Variants in SKIL observed in about 807,000 individuals in gnomAD.
The protein encoded by SKIL is ski-like protein.
Under a neutral mutation model 69.6 loss-of-function variants are expected in SKIL, and 20 were observed. That is an observed-to-expected ratio of 0.29 (90% confidence interval 0.20 to 0.42). The LOEUF is 0.42. Ranked by LOEUF, SKIL falls within the 10% of genes least tolerant of loss-of-function variation. The probability of loss-of-function intolerance (pLI) is 1.00; values close to 1 mark genes in which losing one functional copy is unlikely to be tolerated. For synonymous variants in SKIL, 310 were observed against 279.9 expected, an observed-to-expected ratio of 1.11 and a Z score of -1.08; for missense variants, 745 against 783.1, an observed-to-expected ratio of 0.95 and a Z score of 0.58.
intron 1 of SKIL, among the ~76,000 whole-genome samples, chr3:170,358,227 G>A (rs1005411241): frequency 6.6e-5 from 10 of 152,260 alleles, no homozygotes; most frequent in African/African-American, 2.2e-4. Context: ...GCGGGGAGGT[G>A]CAGCATTAGG....
At chr3:170,370,492 A>G (rs1323386304) in intron 2 of SKIL, among the ~76,000 whole-genome samples, 1 of 113,052 alleles carries the variant, frequency 8.8e-6, no homozygotes, top group African/African-American at 3.5e-5. Context: ...CAGTCTTCTT[A>G]TATCTTACAG....
At chr3:170,386,675 G>T (rs972103285) in intron 4 of SKIL, among the ~76,000 whole-genome samples, 2 of 151,798 alleles carry the variant, frequency 1.3e-5, no homozygotes, top group Admixed American at 1.3e-4. Context: ...TCACTGTATT[G>T]CCCAGGCTGG....
intron 2 of SKIL, 39 bp from the exon 3 acceptor site, chr3:170,381,205 T>C: frequency 1.8e-6 from 2 of 1,111,928 alleles, no homozygotes; most frequent in Middle Eastern, 3.9e-4. Flanking sequence ...CTTCACAGTT[T>C]TACTTCAATA....
intron 2 of SKIL, among the ~76,000 whole-genome samples, chr3:170,371,522 AAAAC>A (rs767492863): frequency 6.0e-4 from 91 of 152,282 alleles, no homozygotes; most frequent in Non-Finnish European, 9.9e-4. Flanking sequence ...AAGAAAAAGA[AAAAC>A]AAAAGGAGTA....
chr3:170,387,759 T>TAAAACAAAAC (rs1737710528), intron 4 of SKIL, among the ~76,000 whole-genome samples: 1 of 57,694 alleles, frequency 1.7e-5, no homozygotes, highest in Admixed American at 2.3e-4. Flanking sequence ...CCGTCTCTAC[T>TAAAACAAAAC]AAAAAAAAAA....
At chr3:170,379,739 G>A (rs1326215363) in intron 2 of SKIL, among the ~76,000 whole-genome samples, 1 of 152,092 alleles carries the variant, frequency 6.6e-6, no homozygotes, top group East Asian at 1.9e-4. Context: ...CATCTCCTGG[G>A]TTCAAGTGAT....
intron 3 of SKIL, 111 bp downstream of exon 3, chr3:170,381,452 T>C (rs1224876418): frequency 3.2e-6 from 2 of 631,120 alleles, no homozygotes; most frequent in African/African-American, 1.8e-5. Context: ...TTTTTTTTGG[T>C]GGCAGAGTCT....
Position 170,360,056 on chromosome 3 carries a change from T to C in SKIL, c.-276T>C. The C allele has an allele frequency of 3.2e-6, 1 of 314,568 alleles. No individual in the cohort carries two copies. Among genetic ancestry groups the C allele is most frequent in the Non-Finnish European group, 5.8e-6 (1 of 172,906 alleles). The allele number at this position is 314,568 out of a possible 1,614,324, so 19.5% of individuals were successfully genotyped here. On this transcript the variant is annotated 5_prime_UTR_variant, in exon 2 of 7. Coordinates refer to ENST00000259119, the MANE Select transcript of SKIL (RefSeq NM_005414.5). ...ATTTTAATATGTATATCTGAAGAAT[T>C]CAAGAAAACAAAGGCATCCTCAGAG...
At chr3:170,377,333 T>C (rs1430096083) in intron 2 of SKIL, among the ~76,000 whole-genome samples, 1 of 150,010 alleles carries the variant, frequency 6.7e-6, no homozygotes, top group Non-Finnish European at 1.5e-5. Context: ...TGTTCCCCTG[T>C]TTCGGTTGAT....
intron 2 of SKIL, among the ~76,000 whole-genome samples, chr3:170,361,824 A>G (rs1736255514): frequency 6.7e-6 from 1 of 150,242 alleles, no homozygotes; most frequent in East Asian, 2.0e-4. Context: ...TGACCGCGTG[A>G]TCCGCCCACC....
intron 2 of SKIL, among the ~76,000 whole-genome samples, chr3:170,362,079 A>G (rs1370537850): frequency 1.3e-5 from 2 of 152,192 alleles, no homozygotes; most frequent in Non-Finnish European, 2.9e-5. Context: ...CTATGTTTGG[A>G]TATTCAGGCT....
intron 2 of SKIL, among the ~76,000 whole-genome samples, chr3:170,370,441 C>CAGAG (rs1736750289): frequency 7.6e-4 from 2 of 2,632 alleles, no homozygotes; most frequent in Non-Finnish European, 1.2e-3. Flanking sequence ...GAGAGAGAGC[C>CAGAG]CCCCCCCCCC....
intron 4 of SKIL, among the ~76,000 whole-genome samples, chr3:170,387,768 A>AAAAAAAAAAAAAAAAAAAAC (rs1409266919): frequency 7.5e-6 from 1 of 132,656 alleles, no homozygotes; most frequent in Non-Finnish European, 1.7e-5. Flanking sequence ...CTAAAAAAAA[A>AAAAAAAAAAAAAAAAAAAAC]AAAAAATACA....
intron 2 of SKIL, among the ~76,000 whole-genome samples, chr3:170,377,518 T>C (rs1737091178): frequency 6.6e-6 from 1 of 150,858 alleles, no homozygotes; most frequent in Non-Finnish European, 1.5e-5. Flanking sequence ...CTTATTAGTA[T>C]TTCAAATTCA....
intron 4 of SKIL, among the ~76,000 whole-genome samples, chr3:170,387,715 A>G (rs1232871630): frequency 1.4e-5 from 2 of 143,322 alleles, no homozygotes; most frequent in Non-Finnish European, 3.0e-5. Flanking sequence ...CGAGGTCAGG[A>G]GATCGAGACC....
chr3:170,365,751 G>GTTTTTTTTTTTTTTTTT (rs1560207824), intron 2 of SKIL, among the ~76,000 whole-genome samples: 2 of 92,444 alleles, frequency 2.2e-5, no homozygotes, highest in African/African-American at 1.1e-4. Flanking sequence ...GTCAAACTAG[G>GTTTTTTTTTTTTTTTTT]CTTTTTTTTT....
intron 6 of SKIL, among the ~76,000 whole-genome samples, 190 bp from the exon 7 acceptor site, chr3:170,392,068 TC>T (rs1737953255): frequency 6.6e-6 from 1 of 152,238 alleles, no homozygotes; most frequent in African/African-American, 2.4e-5. Flanking sequence ...TTCCTCTTGT[TC>T]CTTTGCTTTT....
chr3:170,390,831 T>G (rs753647237), intron 5 of SKIL, among the ~76,000 whole-genome samples: 3 of 152,240 alleles, frequency 2.0e-5, no homozygotes, highest in Non-Finnish European at 4.4e-5. Context: ...ACAAATGTAC[T>G]TAAGATTATT....
In SKIL at chr3:170,378,538, A is replaced by ACT. The variant is rs776393814; in HGVS notation, c.1099-2691_1099-2690dup. Among the ~76,000 whole-genome samples, 27 of 115,048 alleles carry ACT rather than the reference A, an allele frequency of 2.3e-4. 1 individual carries two copies. The highest frequency in any genetic ancestry group is 4.7e-3 in the Middle Eastern group (1 of 212). The allele number at this position is 115,048 out of a possible 152,430, so 75.5% of individuals were successfully genotyped here. On this transcript the variant is annotated intron_variant, in intron 2 of 6. Transcript: ENST00000259119. ...CCTAATTTGTTGAATTGGGAATTGG[A>ACT]CTCTCTCTCTCTCTCTTTTTTTTTT...
Sources: allele counts gnomAD v4.1 joint callset (sites outside exome capture counted in the v4.1 genomes callset), GRCh38; gene constraint gnomAD v4.1.1; transcripts MANE v1.5; gene names NCBI Gene and HGNC (gene_info 2026-07-23, HGNC 2026-07-21).